The following NAV2 variants were observed in gnomAD, a reference collection of about 807,000 sequenced individuals.
The protein encoded by NAV2 is neuron navigator 2.
A neutral mutation model predicts 223.2 loss-of-function variants in NAV2; 54 were observed. That is an observed-to-expected ratio of 0.24 (90% confidence interval 0.19 to 0.30). NAV2 has a LOEUF of 0.30. NAV2 is among the 10% of genes least tolerant of loss of function. The pLI, the probability that NAV2 is intolerant of heterozygous loss-of-function variation, is 1.00. For synonymous variants in NAV2, 1,279 were observed against 1,239.3 expected, an observed-to-expected ratio of 1.03 and a Z score of -0.67; for missense variants, 2,806 against 3,147.5, an observed-to-expected ratio of 0.89 and a Z score of 2.60.
At chr11:19,939,371 A>G (rs1197368041) in intron 7 of NAV2, among the ~76,000 whole-genome samples, 3 of 152,218 alleles carry the variant, frequency 2.0e-5, no homozygotes, top group Non-Finnish European at 4.4e-5. Context: ...GTGTCTGGCT[A>G]GACCTAGCAT....
chr11:20,045,266 G>A lies in NAV2; in HGVS notation c.3498G>A (p.Lys1166=). Residue 1166 remains lysine (K), a synonymous_variant, in exon 14 of 38, where the codon AAG becomes AAA. Transcript: ENST00000349880. ...TCGTCAGTCGGTCTGCTGGTCGGAA[G>A]TCAAGTATGGATGGGGCTCAGAATC... is the stretch of plus-strand genomic sequence containing the variant. The part of the protein sequence containing the change: ...SALVSRSAGR[K]SSMDGAQNQD... 2 of 1,614,214 alleles carry A rather than the reference G, an allele frequency of 1.2e-6. No individual in the cohort carries two copies. The highest frequency in any genetic ancestry group is 1.7e-6 in the Non-Finnish European group (2 of 1,180,032).
intron 1 of NAV2, among the ~76,000 whole-genome samples, chr11:19,716,421 T>C (rs1441892020): frequency 6.6e-6 from 1 of 152,218 alleles, no homozygotes; most frequent in Non-Finnish European, 1.5e-5. Context: ...AAAAATAACG[T>C]AAAGTGTTCA....
chr11:19,940,150 T>C (rs2046290474), intron 8 of NAV2, among the ~76,000 whole-genome samples: 1 of 152,182 alleles, frequency 6.6e-6, no homozygotes, highest in Admixed American at 6.5e-5. Flanking sequence ...AATTCTAAAA[T>C]AGTGGATTTC....
chr11:19,415,384 G>T lies in NAV2; in HGVS notation c.75+64357G>T, dbSNP rs116088666. ...TTCCTGAACACATACACCCTTCCAG[G>T]GTAAAGCAGGAAGAAGTCGAATCCC... On this transcript the variant is annotated intron_variant, in intron 1 of 37. Transcript: ENST00000360655. 2.0e-3 allele frequency among the ~76,000 whole-genome samples: 306 copies of T among 152,168 alleles called. 1 individual carries two copies. The highest frequency in any genetic ancestry group is 6.7e-3 in the African/African-American group (278 of 41,524).
At chr11:19,968,313 G>A (rs889889524) in intron 10 of NAV2, among the ~76,000 whole-genome samples, 4 of 152,040 alleles carry the variant, frequency 2.6e-5, no homozygotes, top group African/African-American at 7.2e-5. Context: ...TGGATTCTCC[G>A]CTTCCTGATT....
At chr11:20,100,009 A>T (rs901773846) in intron 31 of NAV2, among the ~76,000 whole-genome samples, 1 of 152,184 alleles carries the variant, frequency 6.6e-6, no homozygotes, top group Admixed American at 6.5e-5. Context: ...TTGTACACTT[A>T]GATATAGATG....
chr11:19,942,421 G>A (rs2046478503), intron 8 of NAV2, among the ~76,000 whole-genome samples: 1 of 152,152 alleles, frequency 6.6e-6, no homozygotes, highest in South Asian at 2.1e-4. Context: ...CATATCATCT[G>A]ACTCTCACCC....
At chr11:19,572,352 A>T (rs2045452621) in intron 1 of NAV2, among the ~76,000 whole-genome samples, 1 of 152,220 alleles carries the variant, frequency 6.6e-6, no homozygotes. Flanking sequence ...GGGATATGGC[A>T]TCAGCTTGCC....
intron 1 of NAV2, among the ~76,000 whole-genome samples, chr11:19,408,476 C>G (rs920961324): frequency 1.3e-5 from 2 of 152,160 alleles, no homozygotes; most frequent in Admixed American, 1.3e-4. Flanking sequence ...TGCATCAAGG[C>G]AAAATGAAAA....
At chr11:19,919,900 A>C (rs915471059) in intron 6 of NAV2, among the ~76,000 whole-genome samples, 3 of 152,136 alleles carry the variant, frequency 2.0e-5, no homozygotes, top group African/African-American at 7.2e-5. Flanking sequence ...TTGGGAGGCC[A>C]AGACAGGAGG....
chr11:19,500,670 G>A (rs371608725), intron 1 of NAV2, among the ~76,000 whole-genome samples: 1 of 152,206 alleles, frequency 6.6e-6, no homozygotes, highest in East Asian at 1.9e-4. Flanking sequence ...TAATTGACTG[G>A]AATAACAATA....
chr11:19,699,205 T>C (rs2049436867), intron 1 of NAV2, among the ~76,000 whole-genome samples: 2 of 152,204 alleles, frequency 1.3e-5, no homozygotes, highest in African/African-American at 4.8e-5. Flanking sequence ...AATCAGACAA[T>C]TAAGAATTTG....
At chr11:19,744,419 T>G (rs1425228) in intron 1 of NAV2, among the ~76,000 whole-genome samples, 64,494 of 152,036 alleles carry the variant, frequency 0.42, 14,711 homozygotes, top group East Asian at 0.6. Flanking sequence ...CTGACACCAC[T>G]CATGTGGGGC....
chr11:20,038,312 T>A (rs535771085), intron 12 of NAV2, among the ~76,000 whole-genome samples: 11 of 152,290 alleles, frequency 7.2e-5, no homozygotes, highest in African/African-American at 2.6e-4. Flanking sequence ...ATGTAAATGG[T>A]TTACTACTCA....
intron 11 of NAV2, among the ~76,000 whole-genome samples, chr11:20,012,688 AAAAG>A (rs2053660749): frequency 3.4e-4 from 1 of 2,972 alleles, no homozygotes. Flanking sequence ...AAAAAAAAAA[AAAAG>A]AAGGGGGAAA....
intron 1 of NAV2, among the ~76,000 whole-genome samples, chr11:19,405,120 C>G (rs1010417634): frequency 6.6e-6 from 1 of 152,160 alleles, no homozygotes; most frequent in Non-Finnish European, 1.5e-5. Flanking sequence ...AATCCTGATG[C>G]CCCTGAGCGT....
At chr11:19,448,349 C>G (rs1226214406) in intron 1 of NAV2, among the ~76,000 whole-genome samples, 1 of 152,204 alleles carries the variant, frequency 6.6e-6, no homozygotes, top group African/African-American at 2.4e-5. Flanking sequence ...TGTTACTTCT[C>G]AGCTCCCACC....
intron 1 of NAV2, among the ~76,000 whole-genome samples, chr11:19,766,299 T>G (rs2055217974): frequency 2.0e-5 from 3 of 151,960 alleles, no homozygotes; most frequent in Non-Finnish European, 4.4e-5. Flanking sequence ...GGGGTGGCTG[T>G]GGACTGTGAG....
intron 1 of NAV2, among the ~76,000 whole-genome samples, chr11:19,689,455 A>G (rs1590093771): frequency 6.6e-6 from 1 of 152,350 alleles, no homozygotes; most frequent in South Asian, 2.1e-4. Flanking sequence ...ACTGGGGGCC[A>G]AGAGCTGGCC....
Sources: gnomAD v4.1 joint callset for allele counts (sites outside exome capture counted in the v4.1 genomes callset) on GRCh38, gnomAD v4.1.1 for gene constraint, MANE v1.5 for transcripts, NCBI Gene and HGNC (gene_info 2026-07-23, HGNC 2026-07-21) for gene names.